The following OAS3 variants were observed in gnomAD, a reference collection of about 807,000 sequenced individuals.
The protein encoded by OAS3 is 2'-5'-oligoadenylate synthetase 3.
Under a neutral mutation model 113.0 loss-of-function variants are expected in OAS3, and 107 were observed. The observed-to-expected ratio is 0.95, with a 90% confidence interval of 0.81 to 1.11. The LOEUF is 1.11. OAS3 is among the 50% of genes most tolerant of loss of function. OAS3 has a pLI of 0.00. For missense variants in OAS3, 1,258 were observed against 1,389.1 expected, an observed-to-expected ratio of 0.91 and a Z score of 1.50; for synonymous variants, 552 against 573.6, an observed-to-expected ratio of 0.96 and a Z score of 0.54.
rs1037582156 is a variant in OAS3, at chr12:112,941,497, C to T, written c.178-73C>T. 12 of 1,528,990 alleles carry T rather than the reference C, an allele frequency of 7.8e-6. No individual in the cohort carries two copies. The Admixed American group carries it at 1.1e-4, about 14-fold the overall frequency. The allele number at this position is 1,528,990 out of a possible 1,614,324, so 94.7% of individuals were successfully genotyped here. ...CTCTCCCCAGCACACTTGCCTCACTCAAGTTGCCTGCCAGGTTGCAAGGCC... is the reference window on the plus strand; with the variant it reads ...CTCTCCCCAGCACACTTGCCTCACTTAAGTTGCCTGCCAGGTTGCAAGGCC... On this transcript the variant is annotated intron_variant, in intron 1 of 15. Transcript: ENST00000228928.
At chr12:112,964,485 C>A in intron 11 of OAS3, 77 bp downstream of exon 11, 2 of 1,453,464 alleles carry the variant, frequency 1.4e-6, no homozygotes. Flanking sequence ...CAGGCTTGAC[C>A]CACTTCCGCC....
At position 112,941,828 on chromosome 12, in the gene OAS3, C is replaced by T. The variant is rs368686625; in HGVS notation, c.436C>T (p.Leu146=). 3 of 1,613,894 alleles carry T rather than the reference C, an allele frequency of 1.9e-6. No homozygotes were observed. The highest frequency in any genetic ancestry group is 2.5e-6 in the Non-Finnish European group (3 of 1,179,902). ...VDLEDWMDVS[L]VPAFNVLGQA... ...TCTTGAGGACTGGATGGATGTTAGCCTGGTGCCTGCCTTCAATGTCCTGGG... is the reference window on the plus strand; with the variant it reads ...TCTTGAGGACTGGATGGATGTTAGCTTGGTGCCTGCCTTCAATGTCCTGGG... The change falls in exon 2 of 16, where the codon CTG becomes TTG. Residue 146 remains leucine, a synonymous_variant. Transcript: ENST00000228928.
Position 112,972,994 on chromosome 12 carries a change from G to A in OAS3, c.*3021G>A, listed in dbSNP as rs1268360674. 6.6e-6 allele frequency: 1 copy of A among 152,154 alleles called. No individual in the cohort carries two copies. Among genetic ancestry groups the A allele is most frequent in the Non-Finnish European group, 1.5e-5 (1 of 68,036 alleles). 9.4% of individuals were successfully genotyped at this position (152,154 alleles called of 1,614,324 possible). On this transcript the variant is annotated 3_prime_UTR_variant, in exon 16 of 16. Coordinates refer to ENST00000228928, the MANE Select transcript of OAS3 (RefSeq NM_006187.4). The stretch of plus-strand genomic sequence containing the variant: ...CTTCTAAAGTGTACAATTCAGTGGT[G>A]TGAGTATATTCATAAGATTTATACT...
At chr12:112,942,119 G>C (rs2043686325) in intron 2 of OAS3, 2 of 595,820 alleles carry the variant, frequency 3.4e-6, no homozygotes, top group South Asian at 4.2e-5. Context: ...CCACTGCCTG[G>C]AGCGGTTACT....
intron 2 of OAS3, among the ~76,000 whole-genome samples, chr12:112,943,838 G>A (rs1293169143): frequency 6.6e-6 from 1 of 152,124 alleles, no homozygotes; most frequent in Non-Finnish European, 1.5e-5. Flanking sequence ...TTCGGCCTCT[G>A]GAGTAGCTGG....
chr12:112,945,436 C>T (rs1163225389), intron 3 of OAS3: 4 of 154,088 alleles, frequency 2.6e-5, no homozygotes, highest in African/African-American at 9.7e-5. Flanking sequence ...AGGGCTTTGG[C>T]CTGTCTGGTA....
At chr12:112,964,492 C>T (rs11066461) in intron 11 of OAS3, 84 bp downstream of exon 11, 259,179 of 1,415,178 alleles carry the variant, frequency 0.18, 24,904 homozygotes, top group East Asian at 0.35. Context: ...GACCCACTTC[C>T]GCCCTCGTAG....
At chr12:112,959,139 C>T (rs1034640280) in intron 7 of OAS3, among the ~76,000 whole-genome samples, 17 of 152,310 alleles carry the variant, frequency 1.1e-4, no homozygotes, top group African/African-American at 2.6e-4. Flanking sequence ...TGTGACCCTC[C>T]GTGCCAGGTG....
intron 14 of OAS3, among the ~76,000 whole-genome samples, chr12:112,968,929 G>A (rs548414553): frequency 6.6e-6 from 1 of 152,210 alleles, no homozygotes; most frequent in South Asian, 2.1e-4. Flanking sequence ...AGAGATAATA[G>A]AGATGCTTTT....
At chr12:112,961,992 T>G (rs565255019) in intron 8 of OAS3, among the ~76,000 whole-genome samples, 1 of 152,272 alleles carries the variant, frequency 6.6e-6, no homozygotes, top group Admixed American at 6.5e-5. Context: ...GACAGGAGTC[T>G]TACCATGTTG....
At position 112,971,125 on chromosome 12, in the gene OAS3, A is replaced by G. The variant is rs2043980390; in HGVS notation, c.*1152A>G. The G allele has an allele frequency of 6.6e-6, 1 of 152,500 alleles. No homozygotes were observed. The highest frequency in any genetic ancestry group is 2.4e-5 in the African/African-American group (1 of 41,472). 9.4% of individuals were successfully genotyped at this position (152,500 alleles called of 1,614,324 possible). A position where few individuals can be genotyped will look rare whatever the true frequency, so the allele number is the denominator to read the frequency against. On this transcript the variant is annotated 3_prime_UTR_variant, in exon 16 of 16. Transcript: ENST00000228928. The stretch of plus-strand genomic sequence containing the variant: ...AAGCACTCTAGGAATCTTAGGCAGA[A>G]AGGGATTTTATCTAAATCACTGGAA...
intron 14 of OAS3, among the ~76,000 whole-genome samples, chr12:112,968,467 A>C (rs2043956203): frequency 6.6e-6 from 1 of 152,200 alleles, no homozygotes. Context: ...ACGCTTAAAA[A>C]TTTATTCACT....
intron 5 of OAS3, among the ~76,000 whole-genome samples, chr12:112,948,348 C>T (rs902806944): frequency 2.6e-5 from 4 of 151,828 alleles, no homozygotes; most frequent in Admixed American, 6.6e-5. Flanking sequence ...ACTAAAAATA[C>T]GAAAATTAGC....
Position 112,938,719 on chromosome 12 carries a change from C to G in OAS3, c.177+12C>G. 1.3e-6 allele frequency: 2 copies of G among 1,519,494 alleles called. No homozygotes were observed. The highest frequency in any genetic ancestry group is 1.8e-6 in the Non-Finnish European group (2 of 1,138,608). The allele number at this position is 1,519,494 out of a possible 1,614,324, so 94.1% of individuals were successfully genotyped here. ...TGAAAACTGTCAAGGTGAGGTCCCA[C>G]CTCGGGGTCTTTATGTGTCCAAAGG... is the stretch of plus-strand genomic sequence containing the variant. On this transcript the variant is annotated intron_variant, in intron 1 of 15. Transcript: ENST00000228928.
At chr12:112,944,164 G>C (rs1394762963) in intron 2 of OAS3, among the ~76,000 whole-genome samples, 1 of 152,182 alleles carries the variant, frequency 6.6e-6, no homozygotes, top group Non-Finnish European at 1.5e-5. Context: ...TGCTGACTCA[G>C]CTGGAAGCAA....
Position 112,962,772 on chromosome 12 carries a change from G to A in OAS3, c.1954G>A (p.Ala652Thr), listed in dbSNP as rs751695639. The change falls in exon 9 of 16, where the codon GCC (alanine) becomes ACC (threonine). Residue 652 changes from alanine to threonine, a missense_variant. Transcript: ENST00000228928. ...CTGCAGGCAGGATTGTTTCAACATG[G>A]CCCAAGGCTTCCGGACGGTGCTGGG... The part of the protein sequence containing the change: ...QGCRQDCFNM[A>T]QGFRTVLGLV... 1.9e-6 allele frequency: 3 copies of A among 1,614,014 alleles called. No individual in the cohort carries two copies. The highest frequency in any genetic ancestry group is 1.7e-5 in the Admixed American group (1 of 60,030).
chr12:112,972,591 G>C lies in OAS3; in HGVS notation c.*2618G>C, dbSNP rs1033082878. 11 of 152,184 alleles carry C rather than the reference G, an allele frequency of 7.2e-5. No homozygotes were observed. Among genetic ancestry groups the C allele is most frequent in the African/African-American group, 2.7e-4 (11 of 41,420 alleles). The allele number at this position is 152,184 out of a possible 1,614,324, so 9.4% of individuals were successfully genotyped here. A position where few individuals can be genotyped will look rare whatever the true frequency, so the allele number is the denominator to read the frequency against. ...ACAGGGAAAGAAGAGTTCTGAGCAG[G>C]GCCTAGTCTTAGCCAATATTAAAAC... is the stretch of plus-strand genomic sequence containing the variant. On this transcript the variant is annotated 3_prime_UTR_variant, in exon 16 of 16. Transcript: ENST00000228928.
At chr12:112,951,798 A>G (rs1974518) in intron 7 of OAS3, among the ~76,000 whole-genome samples, 6 of 146,446 alleles carry the variant, frequency 4.1e-5, no homozygotes, top group Admixed American at 7.0e-5. Flanking sequence ...GGAGTTCGAG[A>G]CCAGCCTGGC....
chr12:112,961,171 G>A lies in OAS3; in HGVS notation c.1758G>A (p.Leu586=), dbSNP rs1350304706. 6.2e-7 allele frequency: 1 copy of A among 1,613,368 alleles called. No homozygotes were observed. The highest frequency in any genetic ancestry group is 1.1e-5 in the South Asian group (1 of 91,080). ...EGEHKACFAE[L]RRNFMNIRPV... ...AGCATAAGGCCTGCTTCGCAGAGCT[G>A]CGGAGGAACTTCATGAACATTCGCC... Residue 586 remains leucine, a synonymous_variant, in exon 8 of 16, where the codon CTG becomes CTA. Transcript: ENST00000228928.
Sources: allele counts gnomAD v4.1 joint callset (sites outside exome capture counted in the v4.1 genomes callset), GRCh38; gene constraint gnomAD v4.1.1; transcripts MANE v1.5; gene names NCBI Gene and HGNC (gene_info 2026-07-23, HGNC 2026-07-21).